The following SLC22A23 variants were observed in gnomAD, a reference collection of about 807,000 sequenced individuals.
SLC22A23 encodes the protein ion transporter protein.
Under a neutral mutation model 61.0 loss-of-function variants are expected in SLC22A23, and 26 were observed. The observed-to-expected ratio is 0.43, with a 90% confidence interval of 0.31 to 0.59. The LOEUF (loss-of-function observed/expected upper bound fraction) is 0.59. Among genes scored for constraint, SLC22A23 ranks in the 20% least tolerant of loss-of-function variants. SLC22A23 has a pLI of 0.11. For missense variants in SLC22A23, 796 were observed against 934.7 expected (o/e 0.85, Z 1.94); for synonymous variants, 430 against 413.9 (o/e 1.04, Z -0.47).
intron 9 of SLC22A23, among the ~76,000 whole-genome samples, chr6:3,280,192 T>C (rs1759307833): frequency 6.6e-6 from 1 of 152,184 alleles, no homozygotes; most frequent in African/African-American, 2.4e-5. Flanking sequence ...CCTTTGCACA[T>C]GGCCTCCATT....
chr6:3,390,372 C>G lies in SLC22A23; in HGVS notation c.913+19816G>C, dbSNP rs898001200. Among the ~76,000 whole-genome samples, 1 of 152,170 alleles carries G rather than the reference C, an allele frequency of 6.6e-6. No individual in the cohort carries two copies. The highest frequency in any genetic ancestry group is 2.4e-5 in the African/African-American group (1 of 41,442). ...AGAGATCTAAGTAGATCCTGCATCC[C>G]TCTTCTCTGCCCCACTCTCCCTCTC... On this transcript the variant is annotated intron_variant, in intron 3 of 9. Transcript: ENST00000406686. The surrounding 1 kb of genome is among the most constrained non-coding windows in gnomAD (Gnocchi z 4.0).
At chr6:3,418,309 T>C (rs1769874694) in intron 1 of SLC22A23, among the ~76,000 whole-genome samples, 1 of 152,168 alleles carries the variant, frequency 6.6e-6, no homozygotes, top group South Asian at 2.1e-4. Context: ...TTACTTGAGG[T>C]TAAAGGATGC....
rs1165916006 is a variant in SLC22A23, at chr6:3,297,389, AACGGAAATCTGTAT to A, written c.1210+688_1210+701del. Among the ~76,000 whole-genome samples the A allele has an allele frequency of 2.6e-5, 4 of 152,176 alleles. No homozygotes were observed. Among genetic ancestry groups the A allele is most frequent in the Admixed American group, 2.0e-4 (3 of 15,270 alleles). Reference sequence around the variant, plus strand: ...GGGCCGAGACCACCAGTGATCTTCAAACGGAAATCTGTATACCACTTGCATCAGAATCTCTTCTA... The same window carrying A: ...GGGCCGAGACCACCAGTGATCTTCAAACCACTTGCATCAGAATCTCTTCTA... On this transcript the variant is annotated intron_variant, in intron 5 of 9. Transcript: ENST00000406686. This position sits in a 1 kb window ranked among gnomAD's most constrained non-coding sequence, Gnocchi z 4.3.
chr6:3,443,127 G>A (rs9392494), intron 1 of SLC22A23, among the ~76,000 whole-genome samples: 150,684 of 152,342 alleles, frequency 0.99, 74,598 homozygotes, highest in Middle Eastern at 1. Flanking sequence ...AAGACATGAA[G>A]TACAATGGAG....
At chr6:3,405,770 A>G (rs369372178) in intron 3 of SLC22A23, among the ~76,000 whole-genome samples, 2 of 152,216 alleles carry the variant, frequency 1.3e-5, no homozygotes, top group South Asian at 4.1e-4. Context: ...CAACACCAGC[A>G]CATTAGAAAT....
chr6:3,287,918 C>G (rs1451623821), intron 6 of SLC22A23, among the ~76,000 whole-genome samples: 1 of 152,164 alleles, frequency 6.6e-6, no homozygotes, highest in African/African-American at 2.4e-5. Context: ...CTCCTGATCT[C>G]AAGTGATCCG....
chr6:3,284,906 G>GAATACAAATGTATCCGTA, intron 8 of SLC22A23, 173 bp downstream of exon 8: 1 of 1,538,172 alleles, frequency 6.5e-7, no homozygotes. Context: ...GCAAGAGGGA[G>GAATACAAATGTATCCGTA]AATACAAATG....
chr6:3,327,750 A>G lies in SLC22A23; in HGVS notation c.914-3748T>C, dbSNP rs1403919598. The stretch of plus-strand genomic sequence containing the variant: ...TCCAGATTTTGGAATACTTGCATAT[A>G]CATAACGAGATATCTTGGGCAAGGG... On this transcript the variant is annotated intron_variant, in intron 3 of 9. Transcript: ENST00000406686. The surrounding 1 kb of genome is among the most constrained non-coding windows in gnomAD (Gnocchi z 4.1). Among the ~76,000 whole-genome samples the G allele has an allele frequency of 1.3e-5, 2 of 152,238 alleles. No individual in the cohort carries two copies. Among genetic ancestry groups the G allele is most frequent in the African/African-American group, 4.8e-5 (2 of 41,462 alleles).
intron 3 of SLC22A23, among the ~76,000 whole-genome samples, chr6:3,346,772 C>G (rs1764462295): frequency 6.6e-6 from 1 of 152,178 alleles, no homozygotes; most frequent in South Asian, 2.1e-4. Context: ...CTTTGCTCAG[C>G]TCAGTCCTAC....
chr6:3,441,392 G>T (rs1196480669), intron 1 of SLC22A23, among the ~76,000 whole-genome samples: 1 of 152,122 alleles, frequency 6.6e-6, no homozygotes, highest in Non-Finnish European at 1.5e-5. Flanking sequence ...AAGCTATGCC[G>T]AAGGCTGACT....
rs1276508818 is a variant in SLC22A23, at chr6:3,269,788, C to G, written c.*3267G>C. ...GTAGTGTGGACCTCCCCCGCACATG[C>G]GATACCTCGGGCCGGGCGGTGTGAC... On this transcript the variant is annotated 3_prime_UTR_variant, in exon 10 of 10. Transcript: ENST00000406686. 1 of 152,856 alleles carries G rather than the reference C, an allele frequency of 6.5e-6. No homozygotes were observed. The highest frequency in any genetic ancestry group is 2.4e-5 in the African/African-American group (1 of 41,470). The allele number at this position is 152,856 out of a possible 1,614,324, so 9.5% of individuals were successfully genotyped here. A position where few individuals can be genotyped will look rare whatever the true frequency, so the allele number is the denominator to read the frequency against.
Position 3,307,466 on chromosome 6 carries a change from C to T in SLC22A23, c.1083-9248G>A, listed in dbSNP as rs1762062123. 2.6e-5 allele frequency among the ~76,000 whole-genome samples: 4 copies of T among 152,266 alleles called. No homozygotes were observed. In the South Asian group the frequency reaches 6.2e-4, roughly 24 times the overall value. On this transcript the variant is annotated intron_variant, in intron 4 of 9. Coordinates refer to ENST00000406686, the MANE Select transcript of SLC22A23 (RefSeq NM_015482.2). Reference sequence around the variant, plus strand: ...GCCATAATACCTGAACTGGCCTGAACTCAATGCAGGCAGAACCCAACTGGG... The same window carrying T: ...GCCATAATACCTGAACTGGCCTGAATTCAATGCAGGCAGAACCCAACTGGG...
rs1328317227 is a variant in SLC22A23 at position 3,333,700 on chromosome 6, G to A, written c.914-9698C>T. On this transcript the variant is annotated intron_variant, in intron 3 of 9. Coordinates refer to ENST00000406686, the MANE Select transcript of SLC22A23 (RefSeq NM_015482.2). This position sits in a 1 kb window ranked among gnomAD's most constrained non-coding sequence, Gnocchi z 4.1. Reference sequence around the variant, plus strand: ...CTTCCCCATGTTGCGACCACACAGAGGAGAGTGCCTCCCCGACAGTGGTTT... The same window carrying A: ...CTTCCCCATGTTGCGACCACACAGAAGAGAGTGCCTCCCCGACAGTGGTTT... Among the ~76,000 whole-genome samples, 1 of 152,198 alleles carries A rather than the reference G, an allele frequency of 6.6e-6. No individual in the cohort carries two copies. Among genetic ancestry groups the A allele is most frequent in the African/African-American group, 2.4e-5 (1 of 41,446 alleles).
chr6:3,399,842 C>G (rs931625843), intron 3 of SLC22A23, among the ~76,000 whole-genome samples: 1 of 151,640 alleles, frequency 6.6e-6, no homozygotes, highest in African/African-American at 2.4e-5. Context: ...CCTCTCCTAC[C>G]CCTGAAGTGG....
chr6:3,356,925 A>C (rs1029612398), intron 3 of SLC22A23, among the ~76,000 whole-genome samples: 1 of 152,116 alleles, frequency 6.6e-6, no homozygotes, highest in African/African-American at 2.4e-5. Flanking sequence ...TGGTGTCTCT[A>C]GGAGAGGCGC....
chr6:3,275,772 C>T (rs1758837530), intron 9 of SLC22A23, among the ~76,000 whole-genome samples: 1 of 152,194 alleles, frequency 6.6e-6, no homozygotes. Flanking sequence ...TTAGTAGAGT[C>T]GGGGTTTCGC....
At chr6:3,433,921 T>G (rs1166086991) in intron 1 of SLC22A23, among the ~76,000 whole-genome samples, 1 of 152,122 alleles carries the variant, frequency 6.6e-6, no homozygotes, top group Non-Finnish European at 1.5e-5. Flanking sequence ...TACCTTAATT[T>G]AGGGGGTGGT....
intron 3 of SLC22A23, among the ~76,000 whole-genome samples, chr6:3,362,189 A>G (rs1390025733): frequency 1.3e-5 from 2 of 151,790 alleles, no homozygotes; most frequent in African/African-American, 4.8e-5. Context: ...GGATTGCCTG[A>G]GCTCAGGAGT....
chr6:3,394,763 C>G (rs2127491483), intron 3 of SLC22A23, among the ~76,000 whole-genome samples: 1 of 152,350 alleles, frequency 6.6e-6, no homozygotes, highest in African/African-American at 2.4e-5. Flanking sequence ...CCGCTCTGGT[C>G]TACCTTTGCA....
Sources: gnomAD v4.1 joint callset for allele counts (sites outside exome capture counted in the v4.1 genomes callset) on GRCh38, gnomAD v4.1.1 for gene constraint, Gnocchi (gnomAD v3.1) non-coding constraint, MANE v1.5 for transcripts, NCBI Gene and HGNC (gene_info 2026-07-23, HGNC 2026-07-21) for gene names.